Variants in EXOC6B observed in about 807,000 individuals in gnomAD.
The protein encoded by EXOC6B is exocyst complex component 6B.
In EXOC6B, 54 loss-of-function variants were observed where a neutral mutation model predicts 113.5. The ratio of observed to expected loss-of-function variants is 0.48; its 90% CI spans 0.38 to 0.60. The LOEUF (loss-of-function observed/expected upper bound fraction) is 0.60. EXOC6B is among the 20% of genes least tolerant of loss of function. The pLI is 0.00. For synonymous variants in EXOC6B, 357 were observed against 339.0 expected, an observed-to-expected ratio of 1.05 and a Z score of -0.58; for missense variants, 797 against 977.5, an observed-to-expected ratio of 0.82 and a Z score of 2.46.
intron 18 of EXOC6B, among the ~76,000 whole-genome samples, chr2:72,450,284 G>A (rs150532154): frequency 3.6e-4 from 54 of 152,104 alleles, no homozygotes; most frequent in African/African-American, 1.3e-3. Flanking sequence ...TCACTTTGTC[G>A]GAGTGCTTCC....
At chr2:72,192,609 C>A (rs1039798942) in intron 20 of EXOC6B, among the ~76,000 whole-genome samples, 1 of 152,150 alleles carries the variant, frequency 6.6e-6, no homozygotes, top group Non-Finnish European at 1.5e-5. Context: ...TCCAGAAAAC[C>A]TGCAAAGATT....
intron 20 of EXOC6B, among the ~76,000 whole-genome samples, chr2:72,285,924 A>T (rs1274262227): frequency 6.6e-6 from 1 of 152,184 alleles, no homozygotes; most frequent in African/African-American, 2.4e-5. Context: ...AATGCAAATT[A>T]AAACAATAAT....
At chr2:72,733,168 T>C (rs1404138689) in intron 2 of EXOC6B, 50 bp from the exon 3 acceptor site, 16 of 1,321,668 alleles carry the variant, frequency 1.2e-5, no homozygotes, top group African/African-American at 4.4e-5. Flanking sequence ...ATTTAGACAA[T>C]AGTTGAAAAA....
chr2:72,251,217 C>T (rs1204415584), intron 20 of EXOC6B, among the ~76,000 whole-genome samples: 2 of 145,904 alleles, frequency 1.4e-5, no homozygotes, highest in African/African-American at 4.9e-5. Context: ...ACTTGGATTC[C>T]AAGCTTTTCA....
At chr2:72,420,147 T>C (rs1417380466) in intron 18 of EXOC6B, among the ~76,000 whole-genome samples, 1 of 152,234 alleles carries the variant, frequency 6.6e-6, no homozygotes, top group Non-Finnish European at 1.5e-5. Context: ...TGTTTTGGTT[T>C]CTTTTTAAAC....
At chr2:72,183,587 G>T (rs1468038494) in intron 21 of EXOC6B, among the ~76,000 whole-genome samples, 1 of 152,124 alleles carries the variant, frequency 6.6e-6, no homozygotes, top group African/African-American at 2.4e-5. Context: ...CTGGCAGGGG[G>T]TGGGAGCTGG....
In EXOC6B at chr2:72,726,661, C is replaced by T. The variant is rs552279472; in HGVS notation, c.464+4346G>A. On this transcript the variant is annotated intron_variant, in intron 5 of 21. Coordinates refer to ENST00000272427, the MANE Select transcript of EXOC6B (RefSeq NM_015189.3). ...TAGGTCTTATGACATAATAACTTAACAATAATAACATAACAACAATGACAT... is the reference window on the plus strand; with the variant it reads ...TAGGTCTTATGACATAATAACTTAATAATAATAACATAACAACAATGACAT... Among the ~76,000 whole-genome samples the T allele has an allele frequency of 7.9e-3, 1,206 of 151,972 alleles. 9 individuals are homozygous for T. The highest frequency in any genetic ancestry group is 0.026 in the African/African-American group (1,083 of 41,472).
chr2:72,285,538 A>C (rs1020407466), intron 20 of EXOC6B, among the ~76,000 whole-genome samples: 11 of 152,126 alleles, frequency 7.2e-5, no homozygotes, highest in African/African-American at 2.7e-4. Context: ...AGCTCATAGA[A>C]GATAACATAA....
In EXOC6B at chr2:72,465,280, C is replaced by G; in HGVS notation, c.1860G>C (p.Gln620His). 6.2e-7 allele frequency: 1 copy of G among 1,609,276 alleles called. No homozygotes were observed. The highest frequency in any genetic ancestry group is 8.5e-7 in the Non-Finnish European group (1 of 1,177,620). ...AGTCATAGTCTGCCAGCTGTAGGAA[C>G]TGGTCAATCTTCTGGTTTAAGTTGG... ...IYTNLNQKID[Q>H]FLQLADYDWM... is the part of the protein sequence containing the mutation. The change falls in exon 18 of 22, where the codon CAG becomes CAC. Residue 620 changes from glutamine to histidine, a missense_variant. Transcript: ENST00000272427.
chr2:72,610,398 G>T (rs1671006017), intron 6 of EXOC6B, among the ~76,000 whole-genome samples: 1 of 152,124 alleles, frequency 6.6e-6, no homozygotes, highest in Non-Finnish European at 1.5e-5. Context: ...CCAGATCTTG[G>T]TTTCTAAATA....
intron 1 of EXOC6B, among the ~76,000 whole-genome samples, chr2:72,817,627 A>AT (rs11409812): frequency 0.91 from 139,204 of 152,230 alleles, 63,697 homozygotes; most frequent in East Asian, 0.99. Context: ...TCAAAAATAA[A>AT]ATGTCAGGCT....
intron 17 of EXOC6B, among the ~76,000 whole-genome samples, chr2:72,469,621 A>C (rs569309027): frequency 6.6e-6 from 1 of 152,114 alleles, no homozygotes; most frequent in African/African-American, 2.4e-5. Context: ...TTTCTGGTTT[A>C]GTTTCACATG....
intron 6 of EXOC6B, among the ~76,000 whole-genome samples, chr2:72,656,794 T>C (rs1573567871): frequency 6.6e-6 from 1 of 152,356 alleles, no homozygotes; most frequent in East Asian, 1.9e-4. Context: ...AGTGTATGTG[T>C]ATACACAAAC....
At chr2:72,636,251 G>A (rs1246327134) in intron 6 of EXOC6B, among the ~76,000 whole-genome samples, 3 of 142,798 alleles carry the variant, frequency 2.1e-5, no homozygotes, top group Non-Finnish European at 4.6e-5. Context: ...AAGACAAGAA[G>A]AGGAAGAGGA....
intron 1 of EXOC6B, among the ~76,000 whole-genome samples, chr2:72,748,907 G>C (rs1296506633): frequency 6.6e-6 from 1 of 151,968 alleles, no homozygotes; most frequent in East Asian, 1.9e-4. Context: ...ATAAACTAAT[G>C]AAAACAAGGA....
chr2:72,686,496 T>G lies in EXOC6B; in HGVS notation c.669+31607A>C, dbSNP rs149656551. Among the ~76,000 whole-genome samples the G allele has an allele frequency of 2.9e-3, 448 of 152,270 alleles. 2 individuals are homozygous for G. Among genetic ancestry groups the G allele is most frequent in the African/African-American group, 0.01 (434 of 41,550 alleles). On this transcript the variant is annotated intron_variant, in intron 6 of 21. Coordinates refer to ENST00000272427, the MANE Select transcript of EXOC6B (RefSeq NM_015189.3). ...CTGATATTCCTAAAAGCAAAACAAC[T>G]TATGAATAAGGTACAGATTTTTTGA...
intron 20 of EXOC6B, among the ~76,000 whole-genome samples, chr2:72,327,347 G>GGAGTCTACCTCTCAT (rs1688183088): frequency 6.6e-6 from 1 of 151,882 alleles, no homozygotes; most frequent in Non-Finnish European, 1.5e-5. Flanking sequence ...AAAATAAAAA[G>GGAGTCTACCTCTCAT]GAGTCTACCT....
intron 11 of EXOC6B, among the ~76,000 whole-genome samples, chr2:72,511,872 G>C (rs1700921041): frequency 1.3e-5 from 2 of 152,060 alleles, no homozygotes; most frequent in African/African-American, 4.8e-5. Flanking sequence ...AATTAGAAAA[G>C]AGAGTTCATG....
intron 6 of EXOC6B, among the ~76,000 whole-genome samples, chr2:72,584,228 AAAAG>A (rs1436942548): frequency 6.6e-6 from 1 of 152,068 alleles, no homozygotes; most frequent in East Asian, 1.9e-4. Flanking sequence ...TTAAAAAAAA[AAAAG>A]AAAACAAGAC....
Sources: allele counts gnomAD v4.1 joint callset (sites outside exome capture counted in the v4.1 genomes callset), GRCh38; gene constraint gnomAD v4.1.1; transcripts MANE v1.5; gene names NCBI Gene and HGNC (gene_info 2026-07-23, HGNC 2026-07-21).